Variants in GDAP1 observed in about 807,000 individuals in gnomAD.
The protein encoded by GDAP1 is ganglioside induced differentiation associated protein 1, also known as ganglioside-induced differentiation-associated protein 1.
A neutral mutation model predicts 40.1 loss-of-function variants in GDAP1; 34 were observed. That is an observed-to-expected ratio of 0.85 (90% CI 0.64 to 1.13). The LOEUF (loss-of-function observed/expected upper bound fraction) is 1.13, where lower values mean the gene tolerates loss of function less well. Among genes scored for constraint, GDAP1 ranks in the 50% most tolerant of loss-of-function variants. GDAP1 has a pLI of 0.00. For synonymous variants in GDAP1, 170 were observed against 157.4 expected (o/e 1.08, Z -0.60); for missense variants, 374 against 433.7 (o/e 0.86, Z 1.22).
At chr8:74,438,020 C>T (rs965375440) in intron 2 of GDAP1, among the ~76,000 whole-genome samples, 2 of 151,838 alleles carry the variant, frequency 1.3e-5, no homozygotes, top group African/African-American at 4.8e-5. Context: ...CCTGTAATCC[C>T]AGCACTTTGG....
intron 2 of GDAP1, among the ~76,000 whole-genome samples, chr8:74,413,717 C>T (rs1462664471): frequency 1.5e-5 from 2 of 131,764 alleles, no homozygotes; most frequent in Non-Finnish European, 3.2e-5. Context: ...AACTCCTAAG[C>T]TTTTTTTTTT....
chr8:74,411,943 T>C (rs554126614), intron 2 of GDAP1, among the ~76,000 whole-genome samples: 2 of 150,068 alleles, frequency 1.3e-5, no homozygotes, highest in South Asian at 4.2e-4. Context: ...TGCAAATTCT[T>C]GAGAATTCCT....
intron 2 of GDAP1, among the ~76,000 whole-genome samples, chr8:74,422,482 C>T (rs1410239662): frequency 1.1e-5 from 1 of 87,028 alleles, no homozygotes; most frequent in African/African-American, 6.4e-5. Flanking sequence ...TCCTCCCTCC[C>T]TCCCTCCTTT....
rs559176206 is a variant in GDAP1 at position 74,403,136 on chromosome 8, A to G, written c.165+51815A>G. ...ATTTTATATCTCGCAGTGATGGGAG[A>G]GTCATTCTCTGGGTGTATTTGGCCT... On this transcript the variant is annotated intron_variant, in intron 2 of 2. Transcript: ENST00000523640. Among the ~76,000 whole-genome samples the G allele has an allele frequency of 1.1e-3, 159 of 150,106 alleles. 9 individuals carry two copies. The Middle Eastern group carries it at 0.014, about 13-fold the overall frequency.
rs1236731444 is a variant in GDAP1 at position 74,416,447 on chromosome 8, G to A, written c.165+65126G>A. On this transcript the variant is annotated intron_variant, in intron 2 of 2. Transcript: ENST00000523640. The stretch of plus-strand genomic sequence containing the variant: ...AGTGCCCAGGAAAGAGAAAACTTTC[G>A]CTGAAGCTGAACCTCAGCTATCATC... 3.3e-5 allele frequency among the ~76,000 whole-genome samples: 5 copies of A among 150,144 alleles called. 1 individual carries two copies. The highest frequency in any genetic ancestry group is 7.6e-5 in the African/African-American group (3 of 39,476).
intron 2 of GDAP1, among the ~76,000 whole-genome samples, chr8:74,400,729 C>T (rs919307191): frequency 6.7e-6 from 1 of 149,396 alleles, no homozygotes; most frequent in Non-Finnish European, 1.5e-5. Flanking sequence ...CCTTCAGGAG[C>T]TCTTTTAGGG....
At position 74,351,178 on chromosome 8, in the gene GDAP1, C is replaced by T. The variant is rs1041147797; in HGVS notation, c.118-96C>T. 8 of 957,238 alleles carry T rather than the reference C, an allele frequency of 8.4e-6. No individual in the cohort carries two copies. In the Admixed American group the frequency reaches 1.2e-4, roughly 14 times the overall value. The allele number at this position is 957,238 out of a possible 1,614,324, so 59.3% of individuals were successfully genotyped here. A position where few individuals can be genotyped will look rare whatever the true frequency, so the allele number is the denominator to read the frequency against. On this transcript the variant is annotated intron_variant, in intron 1 of 5. Transcript: ENST00000220822. ...AAACGACTGTTGAAAATGTCGGTAA[C>T]ACAGGGAAGCCCAGAAAGGCTGCTT...
chr8:74,427,742 T>C (rs1805965438), intron 2 of GDAP1, among the ~76,000 whole-genome samples: 1 of 152,196 alleles, frequency 6.6e-6, no homozygotes, highest in Non-Finnish European at 1.5e-5. Context: ...TTCTGTTCAG[T>C]GCTCATCAAG....
chr8:74,378,453 AGTG>A (rs1180744877), intron 2 of GDAP1, among the ~76,000 whole-genome samples: 1 of 152,142 alleles, frequency 6.6e-6, no homozygotes. Context: ...AACACTCTAA[AGTG>A]GTGGCCTCCC....
At chr8:74,428,999 A>G (rs1170668521) in intron 2 of GDAP1, among the ~76,000 whole-genome samples, 1 of 151,650 alleles carries the variant, frequency 6.6e-6, no homozygotes, top group Non-Finnish European at 1.5e-5. Flanking sequence ...TTTGCTGAGA[A>G]TGATGGTTTC....
chr8:74,442,933 A>T (rs987643712), intron 2 of GDAP1, among the ~76,000 whole-genome samples: 1 of 152,228 alleles, frequency 6.6e-6, no homozygotes, highest in African/African-American at 2.4e-5. Flanking sequence ...TTCTTAATGC[A>T]TTCATTATTA....
chr8:74,441,432 C>G (rs1342719007), intron 2 of GDAP1, among the ~76,000 whole-genome samples: 1 of 152,022 alleles, frequency 6.6e-6, no homozygotes, highest in Non-Finnish European at 1.5e-5. Context: ...TTCCTTTTGT[C>G]CTAACCTTTG....
At position 74,408,087 on chromosome 8, in the gene GDAP1, T is replaced by C. The variant is rs928826116; in HGVS notation, c.165+56766T>C. 8.0e-5 allele frequency among the ~76,000 whole-genome samples: 12 copies of C among 150,238 alleles called. 2 individuals are homozygous for C. The highest frequency in any genetic ancestry group is 3.0e-4 in the African/African-American group (12 of 39,538). ...CACATCCTGATAGGTATCCTTTAAGTTTTACAATTCTTTTACATTCCTGAG... is the reference window on the plus strand; with the variant it reads ...CACATCCTGATAGGTATCCTTTAAGCTTTACAATTCTTTTACATTCCTGAG... On this transcript the variant is annotated intron_variant, in intron 2 of 2. Transcript: ENST00000523640.
Position 74,420,598 on chromosome 8 carries a change from T to A in GDAP1, c.166-68080T>A, listed in dbSNP as rs572379705. ...ACACCTGCAGCTACCGTCTCTTGAA[T>A]GTGTCAGATGCTGTGCGGAGTGCTT... is the stretch of plus-strand genomic sequence containing the variant. On this transcript the variant is annotated intron_variant, in intron 2 of 2. Transcript: ENST00000523640. Among the ~76,000 whole-genome samples, 3 of 152,292 alleles carry A rather than the reference T, an allele frequency of 2.0e-5. No homozygotes were observed. In the East Asian group the frequency reaches 5.8e-4, roughly 29 times the overall value.
intron 2 of GDAP1, among the ~76,000 whole-genome samples, chr8:74,421,938 C>T (rs1428971237): frequency 1.3e-5 from 2 of 152,014 alleles, no homozygotes; most frequent in Non-Finnish European, 2.9e-5. Context: ...TAATATATTG[C>T]CTTAGAACTA....
At position 74,350,432 on chromosome 8, in the gene GDAP1, C is replaced by T. The variant is rs747122057; in HGVS notation, c.-30C>T. Reference sequence around the variant, plus strand: ...GAGGGAGAAGTCCAGGGCGGACAGGCTGGGCGCACCCGTGCTCGCGCACCC... The same window carrying T: ...GAGGGAGAAGTCCAGGGCGGACAGGTTGGGCGCACCCGTGCTCGCGCACCC... On this transcript the variant is annotated 5_prime_UTR_variant, in exon 1 of 6. Transcript: ENST00000220822. 5.1e-6 allele frequency: 7 copies of T among 1,380,276 alleles called. No individual in the cohort carries two copies. Among genetic ancestry groups the T allele is most frequent in the Middle Eastern group, 1.8e-4 (1 of 5,490 alleles). The allele number at this position is 1,380,276 out of a possible 1,614,324, so 85.5% of individuals were successfully genotyped here. A position where few individuals can be genotyped will look rare whatever the true frequency, so the allele number is the denominator to read the frequency against.
rs1809395184 is a variant in GDAP1 at position 74,362,061 on chromosome 8, A to G, written c.579+83A>G. 18 of 793,002 alleles carry G rather than the reference A, an allele frequency of 2.3e-5. No homozygotes were observed. In the East Asian group the frequency reaches 4.4e-4, roughly 20 times the overall value. 49.1% of individuals were successfully genotyped at this position (793,002 alleles called of 1,614,324 possible). On this transcript the variant is annotated intron_variant, in intron 4 of 5. Transcript: ENST00000220822. Reference sequence around the variant, plus strand: ...TTTGTAAAGTACCACTATTTCTAGAATATCTTCTTTTAAATATTGCAGTTC... The same window carrying G: ...TTTGTAAAGTACCACTATTTCTAGAGTATCTTCTTTTAAATATTGCAGTTC...
At chr8:74,398,379 TC>T (rs1468721090) in intron 2 of GDAP1, among the ~76,000 whole-genome samples, 1 of 152,094 alleles carries the variant, frequency 6.6e-6, no homozygotes, top group Admixed American at 6.6e-5. Context: ...GAGATGGGTT[TC>T]CTGAATACGG....
At chr8:74,449,118 G>A (rs1806267279) in intron 2 of GDAP1, among the ~76,000 whole-genome samples, 2 of 151,798 alleles carry the variant, frequency 1.3e-5, no homozygotes, top group Admixed American at 6.6e-5. Flanking sequence ...CCTCCCCAGT[G>A]AATAATCTTA....
Sources: gnomAD v4.1 joint callset for allele counts (sites outside exome capture counted in the v4.1 genomes callset) on GRCh38, gnomAD v4.1.1 for gene constraint, MANE v1.5 for transcripts, NCBI Gene and HGNC (gene_info 2026-07-23, HGNC 2026-07-21) for gene names.